PRDM5: variants seen among roughly 807,000 people sequenced by gnomAD.
The protein encoded by PRDM5 is PR/SET domain 5.
PRDM5 carries 56 observed loss-of-function variants against 81.2 expected under a neutral mutation model. The observed-to-expected ratio is 0.69, with a 90% CI of 0.56 to 0.86. The LOEUF is 0.86. PRDM5 is among the 40% of genes least tolerant of loss of function. The pLI, the probability that PRDM5 is intolerant of heterozygous loss-of-function variation, is 0.00. For missense variants in PRDM5, 697 were observed against 770.1 expected, an observed-to-expected ratio of 0.91 and a Z score of 1.12; for synonymous variants, 267 against 256.4, an observed-to-expected ratio of 1.04 and a Z score of -0.39.
At position 120,861,187 on chromosome 4, in the gene PRDM5, T is replaced by C. The variant is rs577058816; in HGVS notation, c.178-7647A>G. 2.0e-5 allele frequency among the ~76,000 whole-genome samples: 3 copies of C among 152,170 alleles called. No homozygotes were observed. In the South Asian group the frequency reaches 6.2e-4, roughly 32 times the overall value. ...TTCACATGGCTAATTTTTATGTTTT[T>C]GGTAAAGATGGGGTTTTGCCATTTT... On this transcript the variant is annotated intron_variant, in intron 2 of 15. Transcript: ENST00000264808.
At chr4:120,824,239 G>A (rs778220695) in intron 3 of PRDM5, among the ~76,000 whole-genome samples, 1 of 152,172 alleles carries the variant, frequency 6.6e-6, no homozygotes. Flanking sequence ...GTTACTGTTA[G>A]CCTAGCAATA....
intron 8 of PRDM5, among the ~76,000 whole-genome samples, chr4:120,804,278 A>G (rs1432687586): frequency 6.7e-6 from 1 of 149,228 alleles, no homozygotes; most frequent in East Asian, 2.0e-4. Context: ...AACTGACAAC[A>G]TTAGACAGAT....
intron 8 of PRDM5, among the ~76,000 whole-genome samples, chr4:120,806,387 C>T (rs1302173674): frequency 6.6e-6 from 1 of 152,136 alleles, no homozygotes; most frequent in Non-Finnish European, 1.5e-5. Flanking sequence ...GCCCACATTG[C>T]CAAGACAATG....
chr4:120,822,869 T>C (rs947108451), intron 3 of PRDM5, among the ~76,000 whole-genome samples: 1 of 152,330 alleles, frequency 6.6e-6, no homozygotes, highest in South Asian at 2.1e-4. Context: ...CTATAACATT[T>C]TGAACACTCT....
rs28595368 is a variant in PRDM5, at chr4:120,858,575, G to A, written c.178-5035C>T. ...CTTGTGTGTGCTTATGAACGCGTGC[G>A]TGCGCGCGCACGCACGCACACACAC... On this transcript the variant is annotated intron_variant, in intron 2 of 15. Coordinates refer to ENST00000264808, the MANE Select transcript of PRDM5 (RefSeq NM_018699.4). 8.9e-3 allele frequency among the ~76,000 whole-genome samples: 1,326 copies of A among 148,980 alleles called. 20 individuals carry two copies. Among genetic ancestry groups the A allele is most frequent in the African/African-American group, 0.03 (1,232 of 41,320 alleles).
At chr4:120,712,570 A>G (rs1442297583) in intron 14 of PRDM5, among the ~76,000 whole-genome samples, 1 of 152,096 alleles carries the variant, frequency 6.6e-6, no homozygotes, top group East Asian at 1.9e-4. Context: ...TATGTTAAGT[A>G]CCATTCCCTT....
chr4:120,865,384 G>C (rs954613707), intron 2 of PRDM5, among the ~76,000 whole-genome samples: 5 of 152,274 alleles, frequency 3.3e-5, no homozygotes, highest in African/African-American at 1.2e-4. Context: ...TGCCATTGCT[G>C]AGTCAGCCTT....
intron 10 of PRDM5, among the ~76,000 whole-genome samples, chr4:120,793,247 C>A (rs186516365): frequency 6.6e-6 from 1 of 152,098 alleles, no homozygotes; most frequent in African/African-American, 2.4e-5. Context: ...ACTGCACACA[C>A]AAGGGATCTA....
intron 11 of PRDM5, among the ~76,000 whole-genome samples, chr4:120,784,217 A>G (rs1286959962): frequency 6.6e-6 from 1 of 152,150 alleles, no homozygotes; most frequent in African/African-American, 2.4e-5. Flanking sequence ...CTTTAGTGAT[A>G]TAACTGGACA....
chr4:120,737,017 G>C (rs1741213118), intron 14 of PRDM5, among the ~76,000 whole-genome samples: 1 of 152,162 alleles, frequency 6.6e-6, no homozygotes, highest in South Asian at 2.1e-4. Context: ...ATAAGTAGGA[G>C]AGTTAAGGCT....
At chr4:120,720,554 TCTAA>T (rs1424941272) in intron 14 of PRDM5, among the ~76,000 whole-genome samples, 1 of 152,190 alleles carries the variant, frequency 6.6e-6, no homozygotes, top group African/African-American at 2.4e-5. Flanking sequence ...ATGCCATATA[TCTAA>T]CAGTTCCTCT....
rs775261452 is a variant in PRDM5, at chr4:120,816,396, C to T, written c.865+57G>A. 131 of 1,613,466 alleles carry T rather than the reference C, an allele frequency of 8.1e-5. 1 individual carries two copies. The Middle Eastern group carries it at 2.0e-3, about 24-fold the overall frequency. On this transcript the variant is annotated intron_variant, in intron 7 of 15. Transcript: ENST00000264808. ...TCAAGAGCGAGAATTAAAAACAGAT[C>T]GCTGCAGCCTGGGGAAAGGAAGCCC... is the stretch of plus-strand genomic sequence containing the variant.
intron 14 of PRDM5, among the ~76,000 whole-genome samples, chr4:120,754,127 T>G (rs1390118580): frequency 1.3e-5 from 2 of 152,226 alleles, no homozygotes; most frequent in Non-Finnish European, 1.5e-5. Flanking sequence ...GTAATTTATC[T>G]GCAATGTCTT....
At chr4:120,916,091 T>C in intron 1 of PRDM5, among the ~76,000 whole-genome samples, 1 of 152,026 alleles carries the variant, frequency 6.6e-6, no homozygotes, top group East Asian at 1.9e-4. Flanking sequence ...GAAACTTAGT[T>C]CAAAATAAAT....
chr4:120,902,031 G>A (rs1267864392), intron 2 of PRDM5, among the ~76,000 whole-genome samples: 2 of 152,172 alleles, frequency 1.3e-5, no homozygotes, highest in African/African-American at 4.8e-5. Context: ...TGGAAATATA[G>A]GACAACACCA....
At chr4:120,720,673 G>T (rs1460473669) in intron 14 of PRDM5, among the ~76,000 whole-genome samples, 1 of 152,110 alleles carries the variant, frequency 6.6e-6, no homozygotes, top group Non-Finnish European at 1.5e-5. Flanking sequence ...TTCTTTTACA[G>T]ATGTTTATAG....
intron 3 of PRDM5, chr4:120,838,875 C>A (rs542964536): frequency 6.7e-4 from 172 of 256,142 alleles, no homozygotes; most frequent in Non-Finnish European, 1.2e-3. Flanking sequence ...CCAAGGGAGA[C>A]TGCATGGAGC....
At chr4:120,883,922 G>A (rs553684746) in intron 2 of PRDM5, among the ~76,000 whole-genome samples, 30 of 152,242 alleles carry the variant, frequency 2.0e-4, no homozygotes, top group African/African-American at 6.7e-4. Context: ...ATTAGACAGT[G>A]AGGGTAACTG....
intron 2 of PRDM5, among the ~76,000 whole-genome samples, chr4:120,874,789 A>C (rs1450012361): frequency 1.3e-5 from 2 of 152,194 alleles, no homozygotes; most frequent in Non-Finnish European, 2.9e-5. Flanking sequence ...ATACTGAGGA[A>C]ACTGGTCCCA....
Sources: allele counts gnomAD v4.1 joint callset (sites outside exome capture counted in the v4.1 genomes callset), GRCh38; gene constraint gnomAD v4.1.1; transcripts MANE v1.5; gene names NCBI Gene and HGNC (gene_info 2026-07-23, HGNC 2026-07-21).